The following FYB2 variants were observed in gnomAD, a reference collection of about 807,000 sequenced individuals.
FYB2 encodes FYN-binding protein 2.
In FYB2, 103 loss-of-function variants were observed where a neutral mutation model predicts 94.1. The observed-to-expected ratio is 1.09, with a 90% CI of 0.93 to 1.29. The LOEUF (loss-of-function observed/expected upper bound fraction) is 1.29. Ranked by LOEUF, FYB2 falls within the 50% of genes most tolerant of loss-of-function variation. The probability of loss-of-function intolerance (pLI) is 0.00; values close to 1 mark genes in which losing one functional copy is unlikely to be tolerated. For missense variants in FYB2, 896 were observed against 841.5 expected (o/e 1.06, Z -0.80); for synonymous variants, 293 against 287.9 (o/e 1.02, Z -0.18).
chr1:56,772,315 C>CA (rs1400570573), intron 4 of FYB2, among the ~76,000 whole-genome samples: 1 of 151,930 alleles, frequency 6.6e-6, no homozygotes, highest in Non-Finnish European at 1.5e-5. Flanking sequence ...CCAAAGTTTC[C>CA]AAAAAGGCAT....
At chr1:56,786,816 A>G (rs1646141951) in intron 4 of FYB2, among the ~76,000 whole-genome samples, 2 of 152,196 alleles carry the variant, frequency 1.3e-5, no homozygotes, top group Non-Finnish European at 2.9e-5. Flanking sequence ...CAAAAATAGA[A>G]CATCCTTTAT....
At chr1:56,797,397 G>C (rs1457794667) in intron 1 of FYB2, among the ~76,000 whole-genome samples, 2 of 152,140 alleles carry the variant, frequency 1.3e-5, no homozygotes, top group African/African-American at 2.4e-5. Flanking sequence ...TCTAGGTAAA[G>C]CAGCATCTCT....
chr1:56,793,689 C>G (rs191945274), intron 1 of FYB2, among the ~76,000 whole-genome samples: 142 of 144,648 alleles, frequency 9.8e-4, no homozygotes, highest in Admixed American at 7.4e-3. Flanking sequence ...ACACAATTTA[C>G]CCATGTAACA....
At chr1:56,756,283 C>A (rs1056143454) in intron 6 of FYB2, among the ~76,000 whole-genome samples, 2 of 152,076 alleles carry the variant, frequency 1.3e-5, no homozygotes, top group African/African-American at 4.8e-5. Flanking sequence ...TTTTACTGGG[C>A]AAATTGGTAT....
chr1:56,772,394 C>T (rs569721526), intron 4 of FYB2, among the ~76,000 whole-genome samples: 191 of 152,192 alleles, frequency 1.3e-3, no homozygotes, highest in South Asian at 5.2e-3. Context: ...AAGAAGGTTG[C>T]AGATGTATTT....
upstream of FYB2, among the ~76,000 whole-genome samples, chr1:56,822,448 G>A (rs1204090485): frequency 6.6e-6 from 1 of 152,178 alleles, no homozygotes; most frequent in African/African-American, 2.4e-5. Context: ...GCTGAAGTTT[G>A]GCTCAAAATC....
intron 1 of FYB2, among the ~76,000 whole-genome samples, chr1:56,806,140 C>A (rs1258533096): frequency 1.3e-5 from 2 of 152,084 alleles, no homozygotes; most frequent in Non-Finnish European, 2.9e-5. Flanking sequence ...TCCTGGGGTT[C>A]ACAGTCTCAT....
At chr1:56,744,471 A>G (rs909087845) in intron 9 of FYB2, among the ~76,000 whole-genome samples, 30 of 151,998 alleles carry the variant, frequency 2.0e-4, no homozygotes, top group African/African-American at 6.5e-4. Flanking sequence ...GTTGAGGATA[A>G]TGATGCTAAC....
chr1:56,794,813 A>G (rs1433951498), intron 1 of FYB2, among the ~76,000 whole-genome samples: 1 of 151,820 alleles, frequency 6.6e-6, no homozygotes, highest in Non-Finnish European at 1.5e-5. Context: ...CCACTTATCC[A>G]TTTTCCACTT....
Position 56,819,343 on chromosome 1 carries a change from G to A in FYB2, c.-53C>T. On this transcript the variant is annotated 5_prime_UTR_variant, in exon 1 of 20. Coordinates refer to ENST00000343433, the MANE Select transcript of FYB2 (RefSeq NM_001004303.5). ...AACAAGCCCAGCCTCTCAGAGCTGG[G>A]TCCTGGGGCCAACAATCCGCTTTCC... 18 of 1,612,628 alleles carry A rather than the reference G, an allele frequency of 1.1e-5. No homozygotes were observed. Among genetic ancestry groups the A allele is most frequent in the Non-Finnish European group, 1.5e-5 (18 of 1,178,980 alleles).
At chr1:56,823,298 A>G (rs1386495072), upstream of FYB2, among the ~76,000 whole-genome samples, 1 of 152,196 alleles carries the variant, frequency 6.6e-6, no homozygotes, top group African/African-American at 2.4e-5. Flanking sequence ...GGAGTGGACC[A>G]TTAAAAAAAC....
At chr1:56,812,656 A>G (rs1398112831) in intron 1 of FYB2, among the ~76,000 whole-genome samples, 5 of 152,186 alleles carry the variant, frequency 3.3e-5, no homozygotes, top group Admixed American at 2.0e-4. Flanking sequence ...GTGAAAAGCT[A>G]AAACCCAGAA....
At chr1:56,794,717 A>G (rs1646354971) in intron 1 of FYB2, among the ~76,000 whole-genome samples, 1 of 152,032 alleles carries the variant, frequency 6.6e-6, no homozygotes, top group African/African-American at 2.4e-5. Flanking sequence ...TAGCCAGCAG[A>G]CAAGTTAATT....
At chr1:56,762,327 C>T (rs1645516283) in intron 5 of FYB2, among the ~76,000 whole-genome samples, 1 of 151,968 alleles carries the variant, frequency 6.6e-6, no homozygotes, top group African/African-American at 2.4e-5. Context: ...GACATTTTTA[C>T]TGTTAATTTT....
chr1:56,808,318 A>G (rs1348649799), intron 1 of FYB2, among the ~76,000 whole-genome samples: 4 of 152,152 alleles, frequency 2.6e-5, no homozygotes, highest in African/African-American at 9.7e-5. Context: ...TACAGCCTCA[A>G]TTCTTGGCTG....
chr1:56,812,218 A>G (rs1646783640), intron 1 of FYB2, among the ~76,000 whole-genome samples: 2 of 152,240 alleles, frequency 1.3e-5, no homozygotes, highest in African/African-American at 4.8e-5. Flanking sequence ...TGAAACTCAC[A>G]GAAGATAAGT....
chr1:56,743,918 T>C lies in FYB2; in HGVS notation c.1543+108A>G, dbSNP rs932764624. ...ATTGCTTCTCTTAGCTTCCCACAAA[T>C]TGGCATTATTAAAATATGAATAATT... On this transcript the variant is annotated intron_variant, in intron 11 of 19. Coordinates refer to ENST00000343433, the MANE Select transcript of FYB2 (RefSeq NM_001004303.5). 62 of 1,202,200 alleles carry C rather than the reference T, an allele frequency of 5.2e-5. No individual in the cohort carries two copies. The African/African-American group carries it at 8.1e-4, about 16-fold the overall frequency. The allele number at this position is 1,202,200 out of a possible 1,614,324, so 74.5% of individuals were successfully genotyped here. A position where few individuals can be genotyped will look rare whatever the true frequency, so the allele number is the denominator to read the frequency against.
chr1:56,809,418 T>A (rs1273996697), intron 1 of FYB2, among the ~76,000 whole-genome samples: 1 of 152,180 alleles, frequency 6.6e-6, no homozygotes, highest in Non-Finnish European at 1.5e-5. Flanking sequence ...CTAGATTTGC[T>A]CTTCCTTTAT....
rs1255827251 is a variant in FYB2 at position 56,798,745 on chromosome 1, C to T, written c.10-5942G>A. ...TCATATACATTCACTAATTTAAACC[C>T]ATGTATTCTCAGGTTACAGACAAGG... On this transcript the variant is annotated intron_variant, in intron 1 of 19. Coordinates refer to ENST00000343433, the MANE Select transcript of FYB2 (RefSeq NM_001004303.5). Among the ~76,000 whole-genome samples the T allele has an allele frequency of 2.6e-5, 4 of 152,244 alleles. No homozygotes were observed. The East Asian group carries it at 7.7e-4, about 29-fold the overall frequency.
Sources: allele counts gnomAD v4.1 joint callset (sites outside exome capture counted in the v4.1 genomes callset), GRCh38; gene constraint gnomAD v4.1.1; transcripts MANE v1.5; gene names NCBI Gene and HGNC (gene_info 2026-07-23, HGNC 2026-07-21).